The following EPHB1 variants were observed in gnomAD, a reference collection of about 807,000 sequenced individuals.
EPHB1 encodes ephrin type-B receptor 1.
A neutral mutation model predicts 94.4 loss-of-function variants in EPHB1; 30 were observed. That is an observed-to-expected ratio of 0.32 (90% CI 0.24 to 0.43). The LOEUF is 0.43. Ranked by LOEUF, EPHB1 falls within the 20% of genes least tolerant of loss-of-function variation. The probability of loss-of-function intolerance (pLI) is 1.00; values close to 1 mark genes in which losing one functional copy is unlikely to be tolerated. For synonymous variants in EPHB1, 522 were observed against 489.1 expected, an observed-to-expected ratio of 1.07 and a Z score of -0.89; for missense variants, 1,055 against 1,308.3, an observed-to-expected ratio of 0.81 and a Z score of 2.99.
At chr3:135,035,679 C>T (rs1470962088) in intron 3 of EPHB1, among the ~76,000 whole-genome samples, 3 of 152,202 alleles carry the variant, frequency 2.0e-5, no homozygotes, top group African/African-American at 7.2e-5. Flanking sequence ...CTGGGAAATG[C>T]TGGACAGCTG....
At chr3:135,025,333 G>A (rs1410533696) in intron 3 of EPHB1, among the ~76,000 whole-genome samples, 8 of 115,138 alleles carry the variant, frequency 6.9e-5, no homozygotes, top group Non-Finnish European at 1.2e-4. Context: ...CTAGCATTAG[G>A]TATATCTCCC....
intron 1 of EPHB1, among the ~76,000 whole-genome samples, chr3:134,878,761 G>T (rs566692038): frequency 1.3e-5 from 2 of 152,254 alleles, no homozygotes; most frequent in African/African-American, 4.8e-5. Context: ...TGCCATATGG[G>T]TTTATTGTCT....
At chr3:134,835,075 C>CT (rs1293860786) in intron 1 of EPHB1, among the ~76,000 whole-genome samples, 5 of 152,236 alleles carry the variant, frequency 3.3e-5, no homozygotes, top group African/African-American at 9.7e-5. Flanking sequence ...TTGGCAGTCT[C>CT]TCTTTCTTGG....
intron 1 of EPHB1, among the ~76,000 whole-genome samples, chr3:134,836,134 G>A (rs2108295032): frequency 6.6e-6 from 1 of 152,292 alleles, no homozygotes; most frequent in Non-Finnish European, 1.5e-5. Context: ...GGGGCATCTG[G>A]CTGGGCACAG....
intron 4 of EPHB1, among the ~76,000 whole-genome samples, chr3:135,124,826 TCTC>T (rs1940134019): frequency 6.6e-6 from 1 of 151,506 alleles, no homozygotes; most frequent in Non-Finnish European, 1.5e-5. Context: ...TTTAATGCCC[TCTC>T]CTCCTTGCCC....
chr3:135,199,647 T>A (rs1401530338), intron 11 of EPHB1, among the ~76,000 whole-genome samples: 1 of 152,186 alleles, frequency 6.6e-6, no homozygotes, highest in African/African-American at 2.4e-5. Flanking sequence ...CTGGCAGACA[T>A]CTTTAGGAGG....
chr3:134,937,289 C>T (rs2039021608), intron 2 of EPHB1, among the ~76,000 whole-genome samples: 1 of 152,232 alleles, frequency 6.6e-6, no homozygotes, highest in African/African-American at 2.4e-5. Flanking sequence ...AAGTGGATCA[C>T]ACATGGTGGC....
chr3:135,067,841 G>GT (rs1937602544), intron 3 of EPHB1: 1 of 152,266 alleles, frequency 6.6e-6, no homozygotes, highest in Non-Finnish European at 1.5e-5. Flanking sequence ...GGGGAACCCA[G>GT]TGGGCTCCCA....
At chr3:134,972,626 C>G (rs143073297) in intron 3 of EPHB1, among the ~76,000 whole-genome samples, 1 of 148,550 alleles carries the variant, frequency 6.7e-6, no homozygotes, top group Non-Finnish European at 1.5e-5. Context: ...CAAAAATTGC[C>G]GTAATATTTG....
intron 1 of EPHB1, among the ~76,000 whole-genome samples, chr3:134,834,247 A>G (rs1266415772): frequency 6.6e-6 from 1 of 152,228 alleles, no homozygotes; most frequent in Non-Finnish European, 1.5e-5. Flanking sequence ...GTAAACAGTA[A>G]GTGATAAATA....
chr3:135,088,032 C>G (rs1451230168), intron 3 of EPHB1, among the ~76,000 whole-genome samples: 1 of 152,122 alleles, frequency 6.6e-6, no homozygotes, highest in Non-Finnish European at 1.5e-5. Context: ...ATGACATAGA[C>G]CATACTTATT....
rs147818247 is a variant in EPHB1 at position 135,241,975 on chromosome 3, G to A, written c.2496+678G>A. Among the ~76,000 whole-genome samples the A allele has an allele frequency of 1.5e-3, 224 of 152,316 alleles. 1 individual carries two copies. Among genetic ancestry groups the A allele is most frequent in the African/African-American group, 5.1e-3 (211 of 41,574 alleles). ...GGATGCCCTCAAGGGAAAAGGGTGA[G>A]AAAGGAAGAGATGGGTCATCTAACA... is the stretch of plus-strand genomic sequence containing the variant. On this transcript the variant is annotated intron_variant, in intron 13 of 15. Transcript: ENST00000398015.
chr3:135,224,779 G>A (rs1176686658), intron 12 of EPHB1, among the ~76,000 whole-genome samples: 1 of 152,160 alleles, frequency 6.6e-6, no homozygotes. Flanking sequence ...ATTTTGGATG[G>A]TAGTTCCATA....
At chr3:135,054,050 C>T (rs929298312) in intron 3 of EPHB1, among the ~76,000 whole-genome samples, 109 of 148,958 alleles carry the variant, frequency 7.3e-4, no homozygotes, top group African/African-American at 2.8e-3. Flanking sequence ...TACACACACA[C>T]ACACACACAC....
chr3:135,120,485 C>G (rs1178158626), intron 4 of EPHB1, among the ~76,000 whole-genome samples: 1 of 152,150 alleles, frequency 6.6e-6, no homozygotes, highest in East Asian at 1.9e-4. Context: ...GGCTGGCCAA[C>G]AGGGAGGGAC....
intron 4 of EPHB1, among the ~76,000 whole-genome samples, chr3:135,110,969 G>A (rs1421987861): frequency 2.0e-5 from 3 of 152,130 alleles, no homozygotes; most frequent in Non-Finnish European, 4.4e-5. Context: ...ATCTTCCCAG[G>A]GAAGCAGGGT....
chr3:135,157,173 G>T (rs944215213), intron 6 of EPHB1, among the ~76,000 whole-genome samples: 4 of 152,190 alleles, frequency 2.6e-5, no homozygotes, highest in Non-Finnish European at 4.4e-5. Flanking sequence ...AGCGAGCCTG[G>T]GTCCTTTGCC....
chr3:134,928,405 C>A (rs1476476621), intron 2 of EPHB1, among the ~76,000 whole-genome samples: 2 of 152,234 alleles, frequency 1.3e-5, no homozygotes, highest in Non-Finnish European at 2.9e-5. Flanking sequence ...AGCCCCCCTT[C>A]AGCCATATTA....
At chr3:135,219,014 G>A (rs1943218174) in intron 12 of EPHB1, among the ~76,000 whole-genome samples, 1 of 152,174 alleles carries the variant, frequency 6.6e-6, no homozygotes, top group South Asian at 2.1e-4. Context: ...GAGGAGAGGA[G>A]GGAGTTGGAG....
Sources: gnomAD v4.1 joint callset for allele counts (sites outside exome capture counted in the v4.1 genomes callset) on GRCh38, gnomAD v4.1.1 for gene constraint, MANE v1.5 for transcripts, NCBI Gene and HGNC (gene_info 2026-07-23, HGNC 2026-07-21) for gene names.